Variants in NELL1 observed in about 807,000 individuals in gnomAD.
NELL1 encodes neural EGFL like 1, also known as protein kinase C-binding protein NELL1.
Under a neutral mutation model 107.4 loss-of-function variants are expected in NELL1, and 76 were observed. The observed-to-expected ratio is 0.71, with a 90% CI of 0.59 to 0.86. NELL1 has a LOEUF of 0.86. Ranked by LOEUF, NELL1 falls within the 40% of genes least tolerant of loss-of-function variation. The pLI is 0.00. For synonymous variants in NELL1, 353 were observed against 341.2 expected, an observed-to-expected ratio of 1.03 and a Z score of -0.38; for missense variants, 1,024 against 1,005.5, an observed-to-expected ratio of 1.02 and a Z score of -0.25.
chr11:21,143,098 C>T (rs749524455), intron 13 of NELL1, among the ~76,000 whole-genome samples: 4 of 152,154 alleles, frequency 2.6e-5, no homozygotes, highest in East Asian at 3.9e-4. Context: ...ACTGTATGCA[C>T]GTGAGTCTCC....
chr11:20,935,779 A>T (rs1850712051), intron 9 of NELL1: 1 of 152,328 alleles, frequency 6.6e-6, no homozygotes, highest in Non-Finnish European at 1.5e-5. Flanking sequence ...GAGGGTGAGG[A>T]ATGGAGAGGA....
chr11:20,675,010 A>C (rs947953847), intron 1 of NELL1, among the ~76,000 whole-genome samples: 5 of 152,206 alleles, frequency 3.3e-5, no homozygotes, highest in African/African-American at 1.2e-4. Flanking sequence ...GGGTTGGCTT[A>C]TCTAGGCTGC....
chr11:21,064,971 T>G (rs1028574631), intron 12 of NELL1, among the ~76,000 whole-genome samples: 10 of 152,196 alleles, frequency 6.6e-5, no homozygotes, highest in African/African-American at 2.4e-4. Flanking sequence ...TAAACATATT[T>G]TTTACAATTT....
chr11:21,023,549 T>A (rs563354419), intron 12 of NELL1, among the ~76,000 whole-genome samples: 162 of 152,208 alleles, frequency 1.1e-3, no homozygotes, highest in African/African-American at 3.8e-3. Flanking sequence ...ATTTTTCAAA[T>A]CAGAAACTAT....
chr11:21,416,356 A>C (rs1195285122), intron 15 of NELL1, among the ~76,000 whole-genome samples: 1 of 152,100 alleles, frequency 6.6e-6, no homozygotes, highest in Non-Finnish European at 1.5e-5. Context: ...ATAATTAGTG[A>C]GGAGACTGGC....
chr11:21,424,223 A>G (rs1852763783), intron 15 of NELL1, among the ~76,000 whole-genome samples: 1 of 152,212 alleles, frequency 6.6e-6, no homozygotes, highest in Admixed American at 6.5e-5. Flanking sequence ...CATTTAGTAA[A>G]TTGACTAAGA....
chr11:21,083,479 C>T (rs915440699), intron 12 of NELL1, among the ~76,000 whole-genome samples: 13 of 152,180 alleles, frequency 8.5e-5, no homozygotes, highest in African/African-American at 3.1e-4. Flanking sequence ...TAACAGGTTA[C>T]ACACTGCTTC....
chr11:21,255,988 T>TA (rs1293046712), intron 14 of NELL1, among the ~76,000 whole-genome samples: 3 of 152,170 alleles, frequency 2.0e-5, no homozygotes, highest in East Asian at 1.9e-4. Context: ...AGACAATTCT[T>TA]ACCTTCATTC....
At chr11:21,058,009 C>T (rs1478127432) in intron 12 of NELL1, among the ~76,000 whole-genome samples, 1 of 152,098 alleles carries the variant, frequency 6.6e-6, no homozygotes, top group South Asian at 2.1e-4. Flanking sequence ...GGTTGAGTTT[C>T]AGCTTGAAAT....
At chr11:20,941,697 T>C (rs1460433249) in intron 10 of NELL1, among the ~76,000 whole-genome samples, 3 of 152,198 alleles carry the variant, frequency 2.0e-5, no homozygotes, top group Non-Finnish European at 4.4e-5. Context: ...CTAGTCAGAA[T>C]AGCAACACTT....
rs79010310 is a variant in NELL1, at chr11:20,819,668, G to A, written c.336-27915G>A. 5.6e-3 allele frequency among the ~76,000 whole-genome samples: 852 copies of A among 152,272 alleles called. 14 individuals are homozygous for A. Among genetic ancestry groups the A allele is most frequent in the African/African-American group, 0.019 (804 of 41,560 alleles). On this transcript the variant is annotated intron_variant, in intron 3 of 19. Coordinates refer to ENST00000357134, the MANE Select transcript of NELL1 (RefSeq NM_006157.5). ...AAAAATATAACATTCAGCCTTTATCGATAAGTTCCCCTTCTTTAAGCCAGT... is the reference window on the plus strand; with the variant it reads ...AAAAATATAACATTCAGCCTTTATCAATAAGTTCCCCTTCTTTAAGCCAGT...
intron 15 of NELL1, among the ~76,000 whole-genome samples, chr11:21,413,088 T>G: frequency 6.6e-6 from 1 of 152,058 alleles, no homozygotes; most frequent in East Asian, 1.9e-4. Flanking sequence ...GAAACTTTAT[T>G]AAACAACAAC....
chr11:20,982,361 C>T (rs189005748), intron 12 of NELL1, among the ~76,000 whole-genome samples: 4 of 152,236 alleles, frequency 2.6e-5, no homozygotes, highest in Admixed American at 6.5e-5. Context: ...TTTACTCTGA[C>T]GTCTTTCAGT....
At chr11:21,030,582 A>G (rs1432966194) in intron 12 of NELL1, among the ~76,000 whole-genome samples, 1 of 115,754 alleles carries the variant, frequency 8.6e-6, no homozygotes, top group Non-Finnish European at 2.0e-5. Context: ...GAGATGTTTT[A>G]TTTTCATCTT....
chr11:20,752,324 C>T (rs112049457), intron 2 of NELL1, among the ~76,000 whole-genome samples: 10 of 152,104 alleles, frequency 6.6e-5, no homozygotes, highest in East Asian at 1.9e-4. Flanking sequence ...CCGAGGCAGG[C>T]GGATCACCTG....
intron 6 of NELL1, 87 bp from the exon 7 acceptor site, chr11:20,919,165 T>C: frequency 1.4e-6 from 1 of 718,838 alleles, no homozygotes; most frequent in Non-Finnish European, 2.2e-6. Flanking sequence ...AAAACTCTTC[T>C]ACATAGTCAC....
In NELL1 at chr11:21,473,491, A is replaced by G. The variant is rs182545755; in HGVS notation, c.1646-60883A>G. On this transcript the variant is annotated intron_variant, in intron 15 of 19. Transcript: ENST00000357134. Reference sequence around the variant, plus strand: ...ATTTAAGATTACCTGTTCATATTTTAACGAGGAGTTTCTAAGAAGTGACCC... The same window carrying G: ...ATTTAAGATTACCTGTTCATATTTTGACGAGGAGTTTCTAAGAAGTGACCC... 5.3e-4 allele frequency among the ~76,000 whole-genome samples: 81 copies of G among 152,192 alleles called. 2 individuals carry two copies. The South Asian group carries it at 0.016, about 29-fold the overall frequency.
At chr11:20,925,143 C>T (rs958538557) in intron 7 of NELL1, among the ~76,000 whole-genome samples, 2 of 152,182 alleles carry the variant, frequency 1.3e-5, no homozygotes, top group African/African-American at 4.8e-5. Context: ...AGTGGCCAAA[C>T]CATATGCCAT....
At chr11:21,508,066 G>A (rs2133941039) in intron 15 of NELL1, among the ~76,000 whole-genome samples, 1 of 152,156 alleles carries the variant, frequency 6.6e-6, no homozygotes, top group East Asian at 1.9e-4. Flanking sequence ...TTACAGGTGT[G>A]AGCTACCACA....
Sources: gnomAD v4.1 joint callset for allele counts (sites outside exome capture counted in the v4.1 genomes callset) on GRCh38, gnomAD v4.1.1 for gene constraint, MANE v1.5 for transcripts, NCBI Gene and HGNC (gene_info 2026-07-23, HGNC 2026-07-21) for gene names.